The following SNX29 variants were observed in gnomAD, a reference collection of about 807,000 sequenced individuals.
The protein encoded by SNX29 is sorting nexin-29.
A neutral mutation model predicts 102.1 loss-of-function variants in SNX29; 78 were observed. The ratio of observed to expected loss-of-function variants is 0.76; its 90% CI spans 0.64 to 0.92. The LOEUF (loss-of-function observed/expected upper bound fraction) is 0.92. Among genes scored for constraint, SNX29 ranks in the 40% least tolerant of loss-of-function variants. The pLI, the probability that SNX29 is intolerant of heterozygous loss-of-function variation, is 0.00. For synonymous variants in SNX29, 580 were observed against 414.5 expected (o/e 1.40, Z -4.85); for missense variants, 1,280 against 1,061.7 (o/e 1.21, Z -2.86).
intron 20 of SNX29, among the ~76,000 whole-genome samples, chr16:12,551,490 T>A (rs1304526162): frequency 6.6e-6 from 1 of 152,168 alleles, no homozygotes; most frequent in East Asian, 1.9e-4. Context: ...TAATGCAACA[T>A]TAATCTTTGG....
intron 15 of SNX29, among the ~76,000 whole-genome samples, chr16:12,312,134 C>T (rs756706691): frequency 1.7e-4 from 26 of 152,256 alleles, no homozygotes; most frequent in Admixed American, 2.6e-4. Flanking sequence ...GCCTTGTGTC[C>T]AGCTACAACT....
chr16:11,976,847 G>A (rs2055310854), intron 1 of SNX29, 34 bp downstream of exon 1: 6 of 1,341,322 alleles, frequency 4.5e-6, no homozygotes, highest in South Asian at 1.8e-5. Flanking sequence ...CACCTGCCCC[G>A]GCCGCCCCGG....
At chr16:12,116,909 G>A (rs2053732735) in intron 11 of SNX29, among the ~76,000 whole-genome samples, 1 of 152,216 alleles carries the variant, frequency 6.6e-6, no homozygotes, top group African/African-American at 2.4e-5. Flanking sequence ...GTGGAAACAG[G>A]CACGGTCAAT....
At chr16:12,514,311 C>A (rs770298675) in intron 19 of SNX29, among the ~76,000 whole-genome samples, 2 of 152,106 alleles carry the variant, frequency 1.3e-5, no homozygotes, top group Non-Finnish European at 2.9e-5. Context: ...CTAGGGCTGC[C>A]CTAGCTCCCC....
chr16:12,116,469 T>G (rs2053706791), intron 11 of SNX29, among the ~76,000 whole-genome samples: 1 of 152,194 alleles, frequency 6.6e-6, no homozygotes, highest in African/African-American at 2.4e-5. Flanking sequence ...GGTCAGGAGT[T>G]TGAGACCAGC....
At chr16:12,472,703 C>T (rs2087416943) in intron 18 of SNX29, among the ~76,000 whole-genome samples, 1 of 152,116 alleles carries the variant, frequency 6.6e-6, no homozygotes, top group Non-Finnish European at 1.5e-5. Context: ...GAGACCTTAT[C>T]TCTACTAGAG....
At chr16:12,169,260 G>T (rs138349371) in intron 13 of SNX29, among the ~76,000 whole-genome samples, 315 of 152,346 alleles carry the variant, frequency 2.1e-3, no homozygotes, top group Non-Finnish European at 2.7e-3. Context: ...GGGAGCCCCA[G>T]TTCTAGGGAG....
At chr16:12,542,411 C>G (rs1597851511) in intron 20 of SNX29, among the ~76,000 whole-genome samples, 1 of 152,246 alleles carries the variant, frequency 6.6e-6, no homozygotes, top group African/African-American at 2.4e-5. Flanking sequence ...TCTCCCCTCA[C>G]TACAGCCTTC....
intron 15 of SNX29, among the ~76,000 whole-genome samples, chr16:12,329,071 A>C (rs927100763): frequency 6.6e-6 from 1 of 151,996 alleles, no homozygotes; most frequent in South Asian, 2.1e-4. Context: ...CAGGAGTTCA[A>C]GACCAGCTTA....
intron 3 of SNX29, among the ~76,000 whole-genome samples, chr16:12,013,498 AAAAT>A (rs1567525631): frequency 9.0e-5 from 3 of 33,504 alleles, no homozygotes; most frequent in South Asian, 1.6e-3. Flanking sequence ...GAAAAAAAAA[AAAAT>A]ATATATATAT....
At chr16:12,304,293 T>C (rs1383007784) in intron 15 of SNX29, among the ~76,000 whole-genome samples, 1 of 152,118 alleles carries the variant, frequency 6.6e-6, no homozygotes, top group Non-Finnish European at 1.5e-5. Flanking sequence ...TACTGTTGGC[T>C]TTTTTGTTGT....
rs2077393361 is a variant in SNX29 at position 12,542,633 on chromosome 16, G to A, written c.2318+17792G>A. Among the ~76,000 whole-genome samples, 3 of 152,206 alleles carry A rather than the reference G, an allele frequency of 2.0e-5. No homozygotes were observed. In the South Asian group the frequency reaches 6.2e-4, roughly 31 times the overall value. ...AGGCGTGAGCCACGGCACCCAGTGT[G>A]GGTCTAACACTTAAACTTGTGTTTG... is the stretch of plus-strand genomic sequence containing the variant. On this transcript the variant is annotated intron_variant, in intron 20 of 20. Transcript: ENST00000566228.
At chr16:12,557,195 G>C (rs951057958) in intron 20 of SNX29, 1 of 152,162 alleles carries the variant, frequency 6.6e-6, no homozygotes, top group Admixed American at 6.6e-5. Flanking sequence ...CTGACTCCAG[G>C]GCTCCAGAGG....
chr16:12,090,560 C>A (rs1251987453), intron 11 of SNX29, among the ~76,000 whole-genome samples: 1 of 152,198 alleles, frequency 6.6e-6, no homozygotes, highest in African/African-American at 2.4e-5. Context: ...CAGCTCCAAA[C>A]CCTAGTCCCG....
At chr16:12,307,292 G>A (rs1226966065) in intron 15 of SNX29, among the ~76,000 whole-genome samples, 1 of 152,196 alleles carries the variant, frequency 6.6e-6, no homozygotes, top group Admixed American at 6.5e-5. Flanking sequence ...GGTTTTACAT[G>A]CAGGTGCCTG....
chr16:12,031,772 T>C (rs1337097573), intron 4 of SNX29, among the ~76,000 whole-genome samples: 1 of 151,810 alleles, frequency 6.6e-6, no homozygotes. Flanking sequence ...GCCACTGCAC[T>C]CCAGCCTGGG....
intron 15 of SNX29, among the ~76,000 whole-genome samples, chr16:12,300,600 TGA>T (rs536499879): frequency 1.6e-4 from 25 of 152,272 alleles, no homozygotes; most frequent in African/African-American, 5.8e-4. Context: ...AAAAGAATGA[TGA>T]GAGAGAATAG....
chr16:12,373,197 G>C (rs773947888), intron 16 of SNX29, among the ~76,000 whole-genome samples: 24 of 152,166 alleles, frequency 1.6e-4, no homozygotes, highest in Admixed American at 7.2e-4. Flanking sequence ...CAGTGGTGCA[G>C]TCATAGCTCG....
chr16:12,442,628 A>G (rs1597392754), intron 18 of SNX29, among the ~76,000 whole-genome samples: 2 of 151,280 alleles, frequency 1.3e-5, no homozygotes, highest in East Asian at 3.9e-4. Context: ...GCTGTCACCC[A>G]GACCCAGGCT....
Sources: gnomAD v4.1 joint callset for allele counts (sites outside exome capture counted in the v4.1 genomes callset) on GRCh38, gnomAD v4.1.1 for gene constraint, MANE v1.5 for transcripts, NCBI Gene and HGNC (gene_info 2026-07-23, HGNC 2026-07-21) for gene names.